The following SNX29 variants were observed in gnomAD, a reference collection of about 807,000 sequenced individuals.
SNX29 encodes sorting nexin 29.
SNX29 carries 78 observed loss-of-function variants against 102.1 expected under a neutral mutation model. The observed-to-expected ratio is 0.76, with a 90% CI of 0.64 to 0.92. The LOEUF (loss-of-function observed/expected upper bound fraction) is 0.92. Ranked by LOEUF, SNX29 falls within the 40% of genes least tolerant of loss-of-function variation. The pLI, the probability that SNX29 is intolerant of heterozygous loss-of-function variation, is 0.00. For missense variants in SNX29, 1,280 were observed against 1,061.7 expected (o/e 1.21, Z -2.86); for synonymous variants, 580 against 414.5 (o/e 1.40, Z -4.85).
chr16:12,047,282 A>C (rs1438329525), intron 6 of SNX29, among the ~76,000 whole-genome samples: 1 of 152,178 alleles, frequency 6.6e-6, no homozygotes, highest in Non-Finnish European at 1.5e-5. Context: ...TCAAAGTGTG[A>C]AAGGTGGAAT....
intron 20 of SNX29, among the ~76,000 whole-genome samples, chr16:12,525,415 G>A (rs939963465): frequency 1.3e-5 from 2 of 152,202 alleles, no homozygotes; most frequent in Non-Finnish European, 2.9e-5. Flanking sequence ...GCTCACGCCT[G>A]TAATCCCAGC....
At chr16:12,485,961 A>G (rs2088209446) in intron 19 of SNX29, among the ~76,000 whole-genome samples, 2 of 152,204 alleles carry the variant, frequency 1.3e-5, no homozygotes, top group South Asian at 4.1e-4. Flanking sequence ...TACATCCCGG[A>G]TCAGTTTCCT....
rs535376224 is a variant in SNX29, at chr16:12,317,839, C to G, written c.1783-38324C>G. ...CTGCAAAATGGTGATGCTAATGACT[C>G]CCCGTGCCGGGGTGGGGGGTCGAAA... is the stretch of plus-strand genomic sequence containing the variant. On this transcript the variant is annotated intron_variant, in intron 15 of 20. Coordinates refer to ENST00000566228, the MANE Select transcript of SNX29 (RefSeq NM_032167.5). Among the ~76,000 whole-genome samples the G allele has an allele frequency of 2.0e-5, 3 of 152,362 alleles. No individual in the cohort carries two copies. In the East Asian group the frequency reaches 5.8e-4, roughly 29 times the overall value.
chr16:12,023,230 C>T (rs931042539), intron 3 of SNX29, among the ~76,000 whole-genome samples: 5 of 151,922 alleles, frequency 3.3e-5, no homozygotes, highest in African/African-American at 1.2e-4. Flanking sequence ...AAAATATTCA[C>T]TGTTGTTAAG....
intron 20 of SNX29, among the ~76,000 whole-genome samples, chr16:12,548,055 C>T (rs955182295): frequency 2.0e-5 from 3 of 152,146 alleles, no homozygotes; most frequent in African/African-American, 4.8e-5. Context: ...CCACCCCTGG[C>T]ACACACACGG....
chr16:12,412,740 T>C (rs1317420654), intron 18 of SNX29, among the ~76,000 whole-genome samples: 1 of 152,260 alleles, frequency 6.6e-6, no homozygotes, highest in East Asian at 1.9e-4. Flanking sequence ...GCTAAAGACA[T>C]GGGCTTTGTA....
chr16:12,554,036 G>A (rs114577250), intron 20 of SNX29, among the ~76,000 whole-genome samples: 2,332 of 152,276 alleles, frequency 0.015, 56 homozygotes, highest in African/African-American at 0.053. Flanking sequence ...ATGTTGCCCA[G>A]GCTGGTCTGT....
intron 20 of SNX29, among the ~76,000 whole-genome samples, chr16:12,552,960 A>G (rs983665577): frequency 6.6e-6 from 1 of 152,154 alleles, no homozygotes; most frequent in Non-Finnish European, 1.5e-5. Context: ...AGGAACATGG[A>G]TTGTATTGAG....
At chr16:12,060,669 A>G in intron 8 of SNX29, 2 of 421,744 alleles carry the variant, frequency 4.7e-6, no homozygotes, top group Admixed American at 5.3e-5. Flanking sequence ...GTTGATACAG[A>G]TGTAATGCAG....
intron 14 of SNX29, among the ~76,000 whole-genome samples, chr16:12,212,947 C>T (rs2077226154): frequency 6.6e-6 from 1 of 152,108 alleles, no homozygotes; most frequent in Non-Finnish European, 1.5e-5. Context: ...AACCCCATCT[C>T]TACTAAAAAT....
At chr16:12,458,534 A>C (rs1438917761) in intron 18 of SNX29, among the ~76,000 whole-genome samples, 1 of 152,142 alleles carries the variant, frequency 6.6e-6, no homozygotes, top group Non-Finnish European at 1.5e-5. Context: ...TTGTTGTTAG[A>C]CAGCTATCAC....
intron 19 of SNX29, among the ~76,000 whole-genome samples, chr16:12,505,276 AAAT>A (rs2089320350): frequency 6.6e-6 from 1 of 152,188 alleles, no homozygotes; most frequent in Non-Finnish European, 1.5e-5. Flanking sequence ...GGTGGTTTAC[AAAT>A]AACAGAAACT....
chr16:12,550,696 C>T (rs1315731420), intron 20 of SNX29, among the ~76,000 whole-genome samples: 1 of 152,082 alleles, frequency 6.6e-6, no homozygotes, highest in Admixed American at 6.5e-5. Flanking sequence ...CATGTATTCA[C>T]CCCCCTCATG....
chr16:12,073,915 T>G (rs4516248), intron 10 of SNX29, among the ~76,000 whole-genome samples: 38,580 of 151,572 alleles, frequency 0.25, 5,494 homozygotes, highest in African/African-American at 0.4. Context: ...CCCTTTACCA[T>G]TATGTAATGG....
intron 11 of SNX29, among the ~76,000 whole-genome samples, chr16:12,086,104 C>G (rs868288328): frequency 6.6e-6 from 1 of 151,162 alleles, no homozygotes. Flanking sequence ...CCCGGGCTCA[C>G]GCCATTCTCC....
intron 11 of SNX29, among the ~76,000 whole-genome samples, chr16:12,121,725 G>A (rs922136748): frequency 1.3e-5 from 2 of 152,218 alleles, no homozygotes; most frequent in African/African-American, 2.4e-5. Context: ...TGTACATGGC[G>A]ACAGAGGAGC....
intron 15 of SNX29, among the ~76,000 whole-genome samples, chr16:12,339,793 T>C (rs2081559885): frequency 6.6e-6 from 1 of 152,206 alleles, no homozygotes; most frequent in African/African-American, 2.4e-5. Context: ...AATTGACTCT[T>C]ATTGGCCTGA....
intron 3 of SNX29, among the ~76,000 whole-genome samples, chr16:12,006,516 GAA>G (rs758929005): frequency 1.7e-4 from 9 of 54,360 alleles, no homozygotes; most frequent in African/African-American, 4.0e-4. Context: ...TACTGTCTCA[GAA>G]AAAAAAAAAA....
chr16:12,169,121 G>C (rs1409463081), intron 13 of SNX29, among the ~76,000 whole-genome samples: 1 of 152,250 alleles, frequency 6.6e-6, no homozygotes, highest in Non-Finnish European at 1.5e-5. Context: ...TAGCTGCACA[G>C]CTCTGTGAAT....
Sources: gnomAD v4.1 joint callset for allele counts (sites outside exome capture counted in the v4.1 genomes callset) on GRCh38, gnomAD v4.1.1 for gene constraint, MANE v1.5 for transcripts, NCBI Gene and HGNC (gene_info 2026-07-23, HGNC 2026-07-21) for gene names.